STK33: variants seen among roughly 807,000 people sequenced by gnomAD.
STK33 encodes the protein serine/threonine kinase 33.
A neutral mutation model predicts 58.0 loss-of-function variants in STK33; 52 were observed. That is an observed-to-expected ratio of 0.90 (90% CI 0.72 to 1.13). STK33 has a LOEUF of 1.13. Ranked by LOEUF, STK33 falls within the 50% of genes most tolerant of loss-of-function variation. The pLI, the probability that STK33 is intolerant of heterozygous loss-of-function variation, is 0.00. For synonymous variants in STK33, 215 were observed against 200.1 expected (o/e 1.07, Z -0.63); for missense variants, 630 against 604.2 (o/e 1.04, Z -0.45).
chr11:8,509,666 T>C (rs1221301541), intron 1 of STK33, among the ~76,000 whole-genome samples: 1 of 152,052 alleles, frequency 6.6e-6, no homozygotes, highest in Non-Finnish European at 1.5e-5. Context: ...CCCCCATCCA[T>C]CCTTCCCCTT....
At chr11:8,373,636 T>C in the STK33 span, among the ~76,000 whole-genome samples, 1 of 152,126 alleles carries the variant, frequency 6.6e-6, no homozygotes, top group Admixed American at 6.5e-5. Context: ...CTCAGCGGCA[T>C]CACCAGGTGA....
the STK33 span, among the ~76,000 whole-genome samples, chr11:8,381,590 C>T: frequency 1.3e-4 from 20 of 152,160 alleles, no homozygotes; most frequent in Non-Finnish European, 2.6e-4. Flanking sequence ...ACCTAGCACC[C>T]AGCACCCCAC....
intron 1 of STK33, among the ~76,000 whole-genome samples, chr11:8,516,872 G>A (rs1300755664): frequency 1.3e-5 from 2 of 152,194 alleles, no homozygotes; most frequent in Non-Finnish European, 2.9e-5. Context: ...AGCTCAAGGA[G>A]GCCTGCCTGC....
At chr11:8,573,157 G>C (rs1482056697) in intron 1 of STK33, among the ~76,000 whole-genome samples, 2 of 152,104 alleles carry the variant, frequency 1.3e-5, no homozygotes, top group Non-Finnish European at 2.9e-5. Context: ...TTATTAAAAA[G>C]ACAATTACAG....
intron 1 of STK33, among the ~76,000 whole-genome samples, chr11:8,534,230 G>A (rs1391916713): frequency 4.0e-5 from 6 of 151,482 alleles, no homozygotes; most frequent in Admixed American, 2.0e-4. Context: ...AGCCAAGATC[G>A]CACCACTGCA....
intron 14 of STK33, among the ~76,000 whole-genome samples, chr11:8,428,380 C>G (rs1254274744): frequency 6.6e-6 from 1 of 152,192 alleles, no homozygotes; most frequent in Non-Finnish European, 1.5e-5. Flanking sequence ...TATTTTAATT[C>G]CCTGCCTTGG....
At chr11:8,542,801 C>T (rs935512350) in intron 1 of STK33, among the ~76,000 whole-genome samples, 1 of 152,082 alleles carries the variant, frequency 6.6e-6, no homozygotes, top group Non-Finnish European at 1.5e-5. Flanking sequence ...CTCTGCCTCC[C>T]CAGGCTCAAG....
intron 1 of STK33, among the ~76,000 whole-genome samples, chr11:8,561,647 G>A (rs112924368): frequency 1.3e-4 from 20 of 151,992 alleles, no homozygotes; most frequent in African/African-American, 4.6e-4. Flanking sequence ...TCTCTATCAG[G>A]CACACCAATA....
At chr11:8,521,102 T>C (rs1468011104) in intron 1 of STK33, among the ~76,000 whole-genome samples, 1 of 151,802 alleles carries the variant, frequency 6.6e-6, no homozygotes, top group African/African-American at 2.4e-5. Flanking sequence ...TACCAATGAC[T>C]TTCTTCACAG....
At chr11:8,374,533 CAG>C in the STK33 span, among the ~76,000 whole-genome samples, 3 of 152,056 alleles carry the variant, frequency 2.0e-5, no homozygotes, top group Admixed American at 6.5e-5. Flanking sequence ...GAGAGAGAGA[CAG>C]AGAGAGAGAA....
chr11:8,456,261 A>G (rs1177419856), intron 9 of STK33, among the ~76,000 whole-genome samples: 1 of 151,974 alleles, frequency 6.6e-6, no homozygotes, highest in Non-Finnish European at 1.5e-5. Flanking sequence ...TTTTTTTCTG[A>G]GTTTGTATTC....
At chr11:8,566,605 C>G in intron 1 of STK33, among the ~76,000 whole-genome samples, 1 of 152,220 alleles carries the variant, frequency 6.6e-6, no homozygotes, top group South Asian at 2.1e-4. Context: ...GTCAATTGAA[C>G]CAATATTGCA....
the STK33 span, among the ~76,000 whole-genome samples, chr11:8,360,210 C>T: frequency 1.3e-5 from 2 of 152,340 alleles, no homozygotes; most frequent in Middle Eastern, 3.4e-3. Context: ...CATTGATTTG[C>T]CTGTTCCCAG....
chr11:8,354,394 T>C, the STK33 span, among the ~76,000 whole-genome samples: 1 of 151,394 alleles, frequency 6.6e-6, no homozygotes, highest in Non-Finnish European at 1.5e-5. Flanking sequence ...TGTCCTAGGT[T>C]GAAGGCAGGT....
At chr11:8,480,747 C>CA (rs1949730830) in intron 1 of STK33, 133 bp from the exon 2 acceptor site, 1 of 152,002 alleles carries the variant, frequency 6.6e-6, no homozygotes, top group African/African-American at 2.4e-5. Flanking sequence ...CTAAGGCAGA[C>CA]AAAAAATTCA....
At chr11:8,343,324 G>A in the STK33 span, among the ~76,000 whole-genome samples, 1 of 152,250 alleles carries the variant, frequency 6.6e-6, no homozygotes, top group African/African-American at 2.4e-5. Flanking sequence ...AACTGGAAAG[G>A]AGCACCGCTC....
the STK33 span, among the ~76,000 whole-genome samples, chr11:8,369,687 C>T: frequency 1.3e-5 from 2 of 152,156 alleles, no homozygotes; most frequent in Non-Finnish European, 2.9e-5. Flanking sequence ...GGCCTGATCT[C>T]TCTTCCTGCT....
the STK33 span, among the ~76,000 whole-genome samples, chr11:8,354,250 G>A: frequency 1.3e-5 from 2 of 151,850 alleles, no homozygotes; most frequent in Non-Finnish European, 1.5e-5. Flanking sequence ...AGGCCCGGCC[G>A]GAACTGCCTC....
intron 1 of STK33, among the ~76,000 whole-genome samples, chr11:8,485,823 C>T (rs528360552): frequency 5.3e-5 from 8 of 152,244 alleles, no homozygotes; most frequent in Non-Finnish European, 8.8e-5. Context: ...ACTACTTTCT[C>T]GTCAGTAATA....
Sources: gnomAD v4.1 joint callset for allele counts (sites outside exome capture counted in the v4.1 genomes callset) on GRCh38, gnomAD v4.1.1 for gene constraint, MANE v1.5 for transcripts, NCBI Gene and HGNC (gene_info 2026-07-23, HGNC 2026-07-21) for gene names.